The following CSMD1 variants were observed in gnomAD, a reference collection of about 807,000 sequenced individuals.
CSMD1 encodes the protein CUB and Sushi multiple domains 1.
Under a neutral mutation model 417.5 loss-of-function variants are expected in CSMD1, and 213 were observed. The ratio of observed to expected loss-of-function variants is 0.51; its 90% confidence interval spans 0.46 to 0.57. CSMD1 has a LOEUF of 0.57. Ranked by LOEUF, CSMD1 falls within the 20% of genes least tolerant of loss-of-function variation. The probability of loss-of-function intolerance (pLI) is 0.00; values close to 1 mark genes in which losing one functional copy is unlikely to be tolerated. For missense variants in CSMD1, 6,923 were observed against 4,529.7 expected (o/e 1.53, Z -15.17); for synonymous variants, 2,862 against 1,736.8 (o/e 1.65, Z -16.11).
At chr8:4,215,770 G>A (rs1200957521) in intron 3 of CSMD1, among the ~76,000 whole-genome samples, 2 of 151,914 alleles carry the variant, frequency 1.3e-5, no homozygotes, top group East Asian at 3.9e-4. Context: ...TTAAAACATT[G>A]TTTTCTTGGT....
chr8:3,701,125 G>C (rs1465133090), intron 7 of CSMD1, among the ~76,000 whole-genome samples: 1 of 152,042 alleles, frequency 6.6e-6, no homozygotes, highest in Non-Finnish European at 1.5e-5. Flanking sequence ...TCTGTGAGAG[G>C]TAAGAGGGAG....
intron 2 of CSMD1, among the ~76,000 whole-genome samples, chr8:4,450,453 T>C (rs6999396): frequency 0.35 from 53,759 of 151,894 alleles, 10,117 homozygotes; most frequent in Middle Eastern, 0.47. Context: ...GGGTGAAACC[T>C]CATCTCTACT....
chr8:4,467,294 G>A (rs943982773), intron 2 of CSMD1, among the ~76,000 whole-genome samples: 5 of 152,128 alleles, frequency 3.3e-5, no homozygotes, highest in Admixed American at 1.3e-4. Context: ...TTCATGGCAA[G>A]GAAAGGAGGA....
rs185940234 is a variant in CSMD1, at chr8:3,917,827, C to A, written c.818+80076G>T. 4.9e-4 allele frequency among the ~76,000 whole-genome samples: 75 copies of A among 151,908 alleles called. 1 individual carries two copies. The East Asian group carries it at 0.013, about 27-fold the overall frequency. ...ATTAGCAATATTAGTTGTGTGTATG[C>A]GGTAAAAGCACATAAGATCTACATG... On this transcript the variant is annotated intron_variant, in intron 5 of 69. Transcript: ENST00000635120.
intron 25 of CSMD1, among the ~76,000 whole-genome samples, chr8:3,290,879 A>G (rs369945245): frequency 4.3e-4 from 66 of 152,090 alleles, no homozygotes; most frequent in African/African-American, 1.6e-3. Flanking sequence ...AGGAGTGGTG[A>G]GAGAGGGCAT....
At chr8:4,359,992 C>T (rs1189864211) in intron 3 of CSMD1, among the ~76,000 whole-genome samples, 2 of 152,230 alleles carry the variant, frequency 1.3e-5, no homozygotes, top group Admixed American at 6.5e-5. Context: ...CCAAATGCCA[C>T]TGCCATCCCA....
chr8:3,386,007 T>C lies in CSMD1; in HGVS notation c.2782+1487A>G, dbSNP rs958547121. Reference sequence around the variant, plus strand: ...ACATTTTAGCAATTGTCTAAATTCTTACTGTCTTTCCTGCTGCAATAGTAA... The same window carrying C: ...ACATTTTAGCAATTGTCTAAATTCTCACTGTCTTTCCTGCTGCAATAGTAA... On this transcript the variant is annotated intron_variant, in intron 18 of 69. Coordinates refer to ENST00000635120, the MANE Select transcript of CSMD1 (RefSeq NM_033225.6). Among the ~76,000 whole-genome samples the C allele has an allele frequency of 2.6e-5, 4 of 152,232 alleles. No individual in the cohort carries two copies. The South Asian group carries it at 6.2e-4, about 24-fold the overall frequency.
chr8:4,965,082 A>G (rs1030507449), intron 1 of CSMD1, among the ~76,000 whole-genome samples: 4 of 152,188 alleles, frequency 2.6e-5, no homozygotes, highest in Admixed American at 6.5e-5. Flanking sequence ...CAAAATCTCT[A>G]TTGTAGGCAA....
intron 1 of CSMD1, among the ~76,000 whole-genome samples, chr8:4,881,274 C>A (rs899207056): frequency 6.6e-6 from 1 of 152,088 alleles, no homozygotes; most frequent in Non-Finnish European, 1.5e-5. Flanking sequence ...GACTTCATTG[C>A]CAGACTGTGC....
chr8:4,918,840 T>C (rs183333322), intron 1 of CSMD1, among the ~76,000 whole-genome samples: 1 of 152,214 alleles, frequency 6.6e-6, no homozygotes, highest in Non-Finnish European at 1.5e-5. Flanking sequence ...TGCAGATATA[T>C]ATTGTTCATA....
chr8:4,538,594 G>T (rs144043111), intron 2 of CSMD1, among the ~76,000 whole-genome samples: 5 of 151,912 alleles, frequency 3.3e-5, no homozygotes, highest in African/African-American at 7.2e-5. Context: ...AGTGAGCCGA[G>T]ATCGCACCAC....
At chr8:3,561,591 G>T (rs1055368768) in intron 10 of CSMD1, among the ~76,000 whole-genome samples, 2 of 152,104 alleles carry the variant, frequency 1.3e-5, no homozygotes, top group African/African-American at 4.8e-5. Flanking sequence ...TGGAGATAAG[G>T]ATGGCAACAA....
At chr8:3,939,824 A>G (rs1379012855) in intron 5 of CSMD1, among the ~76,000 whole-genome samples, 3 of 152,122 alleles carry the variant, frequency 2.0e-5, no homozygotes, top group Non-Finnish European at 4.4e-5. Context: ...GAGGATGCGA[A>G]GGCATAATAA....
rs75679905 is a variant in CSMD1, at chr8:3,036,858, G to A, written c.7661-7345C>T. 7.6e-3 allele frequency among the ~76,000 whole-genome samples: 1,154 copies of A among 152,104 alleles called. 19 individuals carry two copies. Among genetic ancestry groups the A allele is most frequent in the Admixed American group, 0.01 (158 of 15,262 alleles). On this transcript the variant is annotated intron_variant, in intron 50 of 69. Transcript: ENST00000635120. ...TTCAATAGCTTTTTGGGGTACAAGC[G>A]TTTTTGGTTACATGGATAAGTTATC... is the stretch of plus-strand genomic sequence containing the variant.
intron 49 of CSMD1, among the ~76,000 whole-genome samples, chr8:3,056,294 T>C (rs1316531190): frequency 6.6e-6 from 1 of 152,202 alleles, no homozygotes; most frequent in African/African-American, 2.4e-5. Flanking sequence ...CCACATGGGA[T>C]TTCTTCTTTG....
At chr8:4,844,666 AAAAG>A (rs1215298511) in intron 1 of CSMD1, among the ~76,000 whole-genome samples, 3 of 152,220 alleles carry the variant, frequency 2.0e-5, no homozygotes, top group Non-Finnish European at 2.9e-5. Context: ...TTTAGGATCA[AAAAG>A]AAATAGAATT....
At chr8:3,572,715 A>G (rs1799994824) in intron 10 of CSMD1, among the ~76,000 whole-genome samples, 1 of 152,170 alleles carries the variant, frequency 6.6e-6, no homozygotes, top group African/African-American at 2.4e-5. Context: ...TCTGGTCTCG[A>G]TCACATCTCA....
intron 5 of CSMD1, among the ~76,000 whole-genome samples, chr8:3,829,146 G>A (rs1802227802): frequency 1.3e-5 from 2 of 152,048 alleles, no homozygotes; most frequent in South Asian, 2.1e-4. Flanking sequence ...AGTGTACACT[G>A]CACTCTATTT....
chr8:3,028,580 C>T (rs7017216), intron 51 of CSMD1, among the ~76,000 whole-genome samples: 1 of 152,008 alleles, frequency 6.6e-6, no homozygotes, highest in Admixed American at 6.5e-5. Flanking sequence ...TGGTGAAGAG[C>T]TTGTGGTACG....
Sources: gnomAD v4.1 joint callset for allele counts (sites outside exome capture counted in the v4.1 genomes callset) on GRCh38, gnomAD v4.1.1 for gene constraint, MANE v1.5 for transcripts, NCBI Gene and HGNC (gene_info 2026-07-23, HGNC 2026-07-21) for gene names.